Variants in ANTXR1 observed in about 807,000 individuals in gnomAD.
The protein encoded by ANTXR1 is ANTXR cell adhesion molecule 1, also known as anthrax toxin receptor 1.
A neutral mutation model predicts 78.1 loss-of-function variants in ANTXR1; 19 were observed. The observed-to-expected ratio is 0.24, with a 90% CI of 0.17 to 0.36. The LOEUF (loss-of-function observed/expected upper bound fraction) is 0.36. Ranked by LOEUF, ANTXR1 falls within the 10% of genes least tolerant of loss-of-function variation. The pLI is 1.00. For missense variants in ANTXR1, 518 were observed against 718.6 expected (o/e 0.72, Z 3.19); for synonymous variants, 273 against 260.5 (o/e 1.05, Z -0.46).
At chr2:69,173,530 TC>T (rs1010953463) in intron 14 of ANTXR1, among the ~76,000 whole-genome samples, 1 of 152,132 alleles carries the variant, frequency 6.6e-6, no homozygotes, top group Non-Finnish European at 1.5e-5. Flanking sequence ...TGAGAATAGC[TC>T]CCCTCAGAAG....
chr2:69,183,362 T>C (rs1054567273), intron 16 of ANTXR1, among the ~76,000 whole-genome samples: 2 of 152,110 alleles, frequency 1.3e-5, no homozygotes, highest in Non-Finnish European at 2.9e-5. Flanking sequence ...GTGTAAACCG[T>C]TGGAGGCAGT....
chr2:69,022,998 C>T (rs577903790), intron 1 of ANTXR1, among the ~76,000 whole-genome samples: 2 of 152,326 alleles, frequency 1.3e-5, no homozygotes, highest in Non-Finnish European at 2.9e-5. Context: ...CTTCCTTTCT[C>T]ATAAGTCTCC....
chr2:69,203,352 C>T (rs1430611499), intron 17 of ANTXR1, among the ~76,000 whole-genome samples: 1 of 152,220 alleles, frequency 6.6e-6, no homozygotes, highest in Non-Finnish European at 1.5e-5. Context: ...TTGGAAGCCT[C>T]TCCTTTGCTG....
At chr2:69,188,290 T>C (rs1034617034) in intron 16 of ANTXR1, among the ~76,000 whole-genome samples, 7 of 152,138 alleles carry the variant, frequency 4.6e-5, no homozygotes, top group Admixed American at 4.6e-4. Context: ...TAATTTTTTG[T>C]AAACATGGGG....
chr2:69,053,796 G>C (rs929498609), intron 3 of ANTXR1, among the ~76,000 whole-genome samples: 2 of 152,148 alleles, frequency 1.3e-5, no homozygotes, highest in African/African-American at 4.8e-5. Flanking sequence ...GATTCCCAGA[G>C]AGACAGAATT....
chr2:69,156,558 G>A (rs1042929529), intron 13 of ANTXR1, among the ~76,000 whole-genome samples: 1 of 152,210 alleles, frequency 6.6e-6, no homozygotes, highest in African/African-American at 2.4e-5. Flanking sequence ...TCACAGTTCT[G>A]CAGGCTGTAC....
chr2:69,164,849 C>T (rs1230479716), intron 13 of ANTXR1, among the ~76,000 whole-genome samples: 2 of 152,142 alleles, frequency 1.3e-5, no homozygotes, highest in Non-Finnish European at 2.9e-5. Flanking sequence ...GACAATGGAG[C>T]GGGGACACCA....
In ANTXR1 at chr2:69,029,563, GA is replaced by G. The variant is rs149867536; in HGVS notation, c.153-10472del. Among the ~76,000 whole-genome samples, 1,454 of 148,480 alleles carry G rather than the reference GA, an allele frequency of 9.8e-3. 22 individuals carry two copies. Among genetic ancestry groups the G allele is most frequent in the African/African-American group, 0.033 (1,353 of 40,684 alleles). On this transcript the variant is annotated intron_variant, in intron 1 of 17. Coordinates refer to ENST00000303714, the MANE Select transcript of ANTXR1 (RefSeq NM_032208.3). Reference sequence around the variant, plus strand: ...GAAAAGTCTACATTCTTCCAACAAAGAAAAAAAAATAGGCTCAACAAAAAGG... The same window carrying G: ...GAAAAGTCTACATTCTTCCAACAAAGAAAAAAAATAGGCTCAACAAAAAGG...
chr2:69,200,391 T>C (rs1160874676), intron 17 of ANTXR1, among the ~76,000 whole-genome samples: 1 of 152,226 alleles, frequency 6.6e-6, no homozygotes, highest in Non-Finnish European at 1.5e-5. Context: ...ATGGGCACCA[T>C]GTCTCCCTAC....
chr2:69,027,622 GTGTGTGTGTGTGTGTGTA>G (rs1382482298), intron 1 of ANTXR1, among the ~76,000 whole-genome samples: 5 of 29,524 alleles, frequency 1.7e-4, no homozygotes, highest in East Asian at 3.8e-3. Context: ...GATGATGCAA[GTGTGTGTGTGTGTGTGTA>G]TGTGTGTGTG....
chr2:69,094,248 G>C (rs1419796841), intron 9 of ANTXR1, among the ~76,000 whole-genome samples: 1 of 152,226 alleles, frequency 6.6e-6, no homozygotes, highest in African/African-American at 2.4e-5. Context: ...TGCAGAACAA[G>C]ATGGCTTGTT....
At chr2:69,156,565 G>C (rs1366959901) in intron 13 of ANTXR1, among the ~76,000 whole-genome samples, 1 of 152,234 alleles carries the variant, frequency 6.6e-6, no homozygotes, top group Non-Finnish European at 1.5e-5. Flanking sequence ...TCTGCAGGCT[G>C]TACAGGAAGC....
intron 1 of ANTXR1, among the ~76,000 whole-genome samples, chr2:69,016,838 G>A (rs1458573503): frequency 1.3e-5 from 2 of 152,138 alleles, no homozygotes; most frequent in African/African-American, 4.8e-5. Flanking sequence ...ATCATGTCAA[G>A]TGGGTCTCTA....
intron 14 of ANTXR1, among the ~76,000 whole-genome samples, chr2:69,173,493 G>C (rs1379115171): frequency 6.6e-6 from 1 of 152,190 alleles, no homozygotes; most frequent in East Asian, 1.9e-4. Context: ...CCAAAGAGAA[G>C]CTTCCTAGTA....
rs147285017 is a variant in ANTXR1, at chr2:69,164,618, A to G, written c.1048-5630A>G. ...TTGCTAACAGTGCAGACAGAGAGAGATAAGATCCATGTCCCTAATTCCCAG... is the reference window on the plus strand; with the variant it reads ...TTGCTAACAGTGCAGACAGAGAGAGGTAAGATCCATGTCCCTAATTCCCAG... On this transcript the variant is annotated intron_variant, in intron 13 of 17. Transcript: ENST00000303714. Among the ~76,000 whole-genome samples the G allele has an allele frequency of 1.3e-3, 191 of 152,332 alleles. 1 individual carries two copies. Among genetic ancestry groups the G allele is most frequent in the African/African-American group, 4.3e-3 (179 of 41,568 alleles).
At chr2:69,017,351 G>A (rs1417895361) in intron 1 of ANTXR1, among the ~76,000 whole-genome samples, 2 of 152,114 alleles carry the variant, frequency 1.3e-5, no homozygotes, top group African/African-American at 4.8e-5. Flanking sequence ...AGATCCTTTC[G>A]CTGGCAAGAC....
intron 16 of ANTXR1, among the ~76,000 whole-genome samples, chr2:69,187,308 G>T (rs1286016416): frequency 1.3e-5 from 2 of 151,916 alleles, no homozygotes; most frequent in Non-Finnish European, 2.9e-5. Flanking sequence ...TCCTTTGCTT[G>T]GTTTTCACCC....
At chr2:69,132,093 TG>T in intron 12 of ANTXR1, among the ~76,000 whole-genome samples, 1 of 152,164 alleles carries the variant, frequency 6.6e-6, no homozygotes. Context: ...CCATAGAGAC[TG>T]ATAGACTCAA....
intron 1 of ANTXR1, among the ~76,000 whole-genome samples, chr2:69,017,610 A>G (rs989957372): frequency 6.6e-6 from 1 of 152,216 alleles, no homozygotes; most frequent in Non-Finnish European, 1.5e-5. Context: ...ATACCACAGT[A>G]ACACAATAGG....
Sources: gnomAD v4.1 joint callset for allele counts (sites outside exome capture counted in the v4.1 genomes callset) on GRCh38, gnomAD v4.1.1 for gene constraint, MANE v1.5 for transcripts, NCBI Gene and HGNC (gene_info 2026-07-23, HGNC 2026-07-21) for gene names.